SNX3: variants seen among roughly 807,000 people sequenced by gnomAD.
SNX3 encodes sorting nexin-3.
Under a neutral mutation model 17.7 loss-of-function variants are expected in SNX3, and 5 were observed. The ratio of observed to expected loss-of-function variants is 0.28; its 90% CI spans 0.15 to 0.59. The LOEUF is 0.59. Ranked by LOEUF, SNX3 falls within the 20% of genes least tolerant of loss-of-function variation. The pLI, the probability that SNX3 is intolerant of heterozygous loss-of-function variation, is 0.88. For missense variants in SNX3, 132 were observed against 206.8 expected (o/e 0.64, Z 2.22); for synonymous variants, 91 against 76.5 (o/e 1.19, Z -0.99).
At chr6:108,243,597 C>T (rs1306051103) in intron 1 of SNX3, among the ~76,000 whole-genome samples, 2 of 152,106 alleles carry the variant, frequency 1.3e-5, no homozygotes, top group Non-Finnish European at 2.9e-5. Context: ...CTAAAGAAAG[C>T]CCTTCCGGCT....
At chr6:108,249,322 T>C (rs902874765) in intron 1 of SNX3, among the ~76,000 whole-genome samples, 1 of 152,160 alleles carries the variant, frequency 6.6e-6, no homozygotes. Flanking sequence ...CTTGGTAGGC[T>C]GAAGCAGGAG....
rs530704182 is a variant in SNX3 at position 108,215,487 on chromosome 6, A to C, written c.259-865T>G. Among the ~76,000 whole-genome samples, 13 of 152,350 alleles carry C rather than the reference A, an allele frequency of 8.5e-5. No individual in the cohort carries two copies. In the South Asian group the frequency reaches 2.3e-3, roughly 27 times the overall value. On this transcript the variant is annotated intron_variant, in intron 2 of 3. Coordinates refer to ENST00000230085, the MANE Select transcript of SNX3 (RefSeq NM_003795.6). ...ATTCTGTTTCCTAAATTAAGAAACA[A>C]GTCAACTTTCTCCCAAATGCCCTAT...
chr6:108,243,734 ACCAGCC>A (rs1775596790), intron 1 of SNX3, among the ~76,000 whole-genome samples: 6 of 152,198 alleles, frequency 3.9e-5, no homozygotes, highest in Admixed American at 2.0e-4. Context: ...AGAGTTTGAG[ACCAGCC>A]TGGTCAACAT....
At chr6:108,250,442 C>T (rs940095248) in intron 1 of SNX3, among the ~76,000 whole-genome samples, 1 of 152,064 alleles carries the variant, frequency 6.6e-6, no homozygotes, top group Admixed American at 6.6e-5. Flanking sequence ...AAAAGGTAAG[C>T]CCATAATTTG....
chr6:108,212,607 G>A (rs777909356), intron 3 of SNX3, among the ~76,000 whole-genome samples: 3 of 152,096 alleles, frequency 2.0e-5, no homozygotes, highest in Non-Finnish European at 2.9e-5. Flanking sequence ...CAAAGTGCTG[G>A]GATTACAGGC....
rs139499260 is a variant in SNX3, at chr6:108,252,330, C to T, written c.162+8430G>A. The T allele has an allele frequency of 9.1e-3, 1,450 of 158,512 alleles. 6 individuals carry two copies. The highest frequency in any genetic ancestry group is 0.015 in the Non-Finnish European group (1,085 of 72,586). 9.8% of individuals were successfully genotyped at this position (158,512 alleles called of 1,614,324 possible). On this transcript the variant is annotated intron_variant, in intron 1 of 3. Coordinates refer to ENST00000230085, the MANE Select transcript of SNX3 (RefSeq NM_003795.6). ...GAAACAAGAAGAGGAGCAGAAAAAA[C>T]TTGAGGAGCTAAAAGCAAAGGCCAC... is the stretch of plus-strand genomic sequence containing the variant.
chr6:108,214,613 G>T lies in SNX3; in HGVS notation c.268C>A (p.Pro90Thr). ...AAAAACGCTTTCCCAGGGAGCGGGG[G>T]AACTACGACCTAAAATGTGAAGACA... ...ELERESKVVV[P>T]PLPGKAFLRQ... Residue 90 changes from proline (P) to threonine (T), a missense_variant, in exon 3 of 4, where the codon CCC (proline) becomes ACC (threonine). Physicochemically the swap from Pro to Thr is conservative, Grantham distance 38 (BLOSUM62 -1). Transcript: ENST00000230085. The T allele has an allele frequency of 6.2e-7, 1 of 1,611,152 alleles. No homozygotes were observed. The highest frequency in any genetic ancestry group is 1.1e-5 in the South Asian group (1 of 90,322).
intron 1 of SNX3, among the ~76,000 whole-genome samples, chr6:108,225,713 G>A (rs1249779199): frequency 6.6e-6 from 1 of 151,940 alleles, no homozygotes; most frequent in Non-Finnish European, 1.5e-5. Flanking sequence ...ACTATTAGGA[G>A]TGGTATGAGA....
rs183302804 is a variant in SNX3 at position 108,260,400 on chromosome 6, C to T, written c.162+360G>A. Among the ~76,000 whole-genome samples, 71 of 152,352 alleles carry T rather than the reference C, an allele frequency of 4.7e-4. 1 individual carries two copies. Among genetic ancestry groups the T allele is most frequent in the African/African-American group, 1.6e-3 (67 of 41,590 alleles). ...GGAAAAGGCTTTAACTTTGCGCAAG[C>T]CCCTTTTCTCTGTCAACATCTCTTT... On this transcript the variant is annotated intron_variant, in intron 1 of 3. Transcript: ENST00000230085.
chr6:108,216,133 G>A (rs994225607), intron 2 of SNX3, among the ~76,000 whole-genome samples: 5 of 152,012 alleles, frequency 3.3e-5, no homozygotes, highest in Admixed American at 1.3e-4. Context: ...CTGGAGTTCC[G>A]TGGTGCGATC....
chr6:108,212,339 G>A, intron 3 of SNX3, 85 bp from the exon 4 acceptor site: 1 of 949,134 alleles, frequency 1.1e-6, no homozygotes. Flanking sequence ...TGAGAAGCAT[G>A]TATAATTTTT....
chr6:108,222,915 T>C (rs747202116), intron 2 of SNX3, 35 bp downstream of exon 2: 8 of 1,209,556 alleles, frequency 6.6e-6, no homozygotes, highest in Non-Finnish European at 8.5e-6. Flanking sequence ...ACTTGGAATG[T>C]TTTGCTTTAA....
chr6:108,221,283 G>C (rs974419738), intron 2 of SNX3, among the ~76,000 whole-genome samples: 4 of 149,314 alleles, frequency 2.7e-5, no homozygotes, highest in African/African-American at 7.4e-5. Flanking sequence ...TTTTTTTTTA[G>C]AGCTTCTCAT....
chr6:108,252,582 T>G (rs563151177), intron 1 of SNX3: 3 of 152,274 alleles, frequency 2.0e-5, no homozygotes, highest in South Asian at 4.1e-4. Context: ...TATCTGCATT[T>G]CCTACTATAA....
intron 3 of SNX3, 28 bp downstream of exon 3, chr6:108,214,470 T>C (rs369238133): frequency 1.3e-4 from 205 of 1,609,578 alleles, no homozygotes; most frequent in Non-Finnish European, 1.6e-4. Context: ...AAAGTAGTCC[T>C]ACACTTTGAG....
chr6:108,229,031 G>A (rs557838133), intron 1 of SNX3, among the ~76,000 whole-genome samples: 2 of 152,054 alleles, frequency 1.3e-5, no homozygotes, highest in East Asian at 1.9e-4. Context: ...AGGCTGAGGC[G>A]GGTGGATCAC....
chr6:108,224,562 G>A (rs1279525599), intron 1 of SNX3, among the ~76,000 whole-genome samples: 1 of 152,164 alleles, frequency 6.6e-6, no homozygotes. Flanking sequence ...TTACAGGCGT[G>A]AGCCACCACA....
intron 2 of SNX3, among the ~76,000 whole-genome samples, chr6:108,216,631 T>C (rs1046809210): frequency 6.6e-6 from 1 of 152,182 alleles, no homozygotes; most frequent in Admixed American, 6.5e-5. Flanking sequence ...AGTAAACTGA[T>C]ACATATTTTT....
Position 108,211,979 on chromosome 6 carries a change from G to A in SNX3, c.*170C>T. 1.9e-6 allele frequency: 1 copy of A among 526,022 alleles called. No individual in the cohort carries two copies. The highest frequency in any genetic ancestry group is 3.8e-5 in the Admixed American group (1 of 26,236). 32.6% of individuals were successfully genotyped at this position (526,022 alleles called of 1,614,324 possible). ...GCTGGAATGAGGGATTTTTACTAAA[G>A]CAAATTAACTTCTTGTCAACTGCCA... On this transcript the variant is annotated 3_prime_UTR_variant, in exon 4 of 4. Coordinates refer to ENST00000230085, the MANE Select transcript of SNX3 (RefSeq NM_003795.6).
Sources: allele counts gnomAD v4.1 joint callset (sites outside exome capture counted in the v4.1 genomes callset), GRCh38; gene constraint gnomAD v4.1.1; transcripts MANE v1.5; gene names NCBI Gene and HGNC (gene_info 2026-07-23, HGNC 2026-07-21).